Variants in NSUN3 observed in about 807,000 individuals in gnomAD.
The protein encoded by NSUN3 is NOP2/Sun RNA methyltransferase 3, also known as tRNA (cytosine(34)-C(5))-methyltransferase, mitochondrial.
In NSUN3, 24 loss-of-function variants were observed where a neutral mutation model predicts 36.8. The ratio of observed to expected loss-of-function variants is 0.65; its 90% CI spans 0.47 to 0.92. The LOEUF is 0.92. NSUN3 is among the 40% of genes least tolerant of loss of function. The probability of loss-of-function intolerance (pLI) is 0.00; values close to 1 mark genes in which losing one functional copy is unlikely to be tolerated. For synonymous variants in NSUN3, 146 were observed against 145.2 expected, an observed-to-expected ratio of 1.01 and a Z score of -0.04; for missense variants, 381 against 392.8, an observed-to-expected ratio of 0.97 and a Z score of 0.25.
At chr3:94,081,577 C>T (rs185676874) in intron 2 of NSUN3, 26 of 152,290 alleles carry the variant, frequency 1.7e-4, no homozygotes, top group African/African-American at 5.8e-4. Context: ...TTGGCTTTGT[C>T]CTGAAACTTC....
chr3:94,121,621 A>G (rs528132904), intron 5 of NSUN3, among the ~76,000 whole-genome samples: 1 of 152,286 alleles, frequency 6.6e-6, no homozygotes, highest in African/African-American at 2.4e-5. Context: ...TTTAGAGGGC[A>G]GTGAATAGTG....
At chr3:94,103,265 G>A (rs2077373147) in intron 5 of NSUN3, among the ~76,000 whole-genome samples, 1 of 152,158 alleles carries the variant, frequency 6.6e-6, no homozygotes, top group African/African-American at 2.4e-5. Context: ...TGTTCTCAAG[G>A]TCCTCAGGCC....
Position 94,080,859 on chromosome 3 carries a change from C to T in NSUN3, c.123-3248C>T, listed in dbSNP as rs147734302. On this transcript the variant is annotated intron_variant, in intron 2 of 5. Coordinates refer to ENST00000314622, the MANE Select transcript of NSUN3 (RefSeq NM_022072.5). ...TTGCTGGGCTCCATGGGGGTGGGAC[C>T]TGCTGAGCAAGACCACTTGGCTTCC... Among the ~76,000 whole-genome samples, 12 of 152,274 alleles carry T rather than the reference C, an allele frequency of 7.9e-5. No individual in the cohort carries two copies. In the East Asian group the frequency reaches 2.3e-3, roughly 29 times the overall value.
rs901557181 is a variant in NSUN3, at chr3:94,130,055, G to C, written c.*3565G>C. Among the ~76,000 whole-genome samples the C allele has an allele frequency of 1.3e-5, 2 of 152,022 alleles. No homozygotes were observed. Among genetic ancestry groups the C allele is most frequent in the Non-Finnish European group, 2.9e-5 (2 of 67,978 alleles). ...AGGCGTGAGCCACCACACCCACTGT[G>C]TATGTTGTCTTTATTGATGCTTAAA... On this transcript the variant is annotated 3_prime_UTR_variant, in exon 6 of 6. Coordinates refer to ENST00000314622, the MANE Select transcript of NSUN3 (RefSeq NM_022072.5).
intron 5 of NSUN3, among the ~76,000 whole-genome samples, chr3:94,107,972 T>C (rs1321654500): frequency 1.4e-4 from 15 of 106,066 alleles, no homozygotes; most frequent in South Asian, 6.7e-4. Flanking sequence ...CTTTTTTTTT[T>C]CCTTTTTTTT....
intron 2 of NSUN3, among the ~76,000 whole-genome samples, chr3:94,079,183 A>G (rs1370932011): frequency 6.6e-6 from 1 of 152,202 alleles, no homozygotes; most frequent in Non-Finnish European, 1.5e-5. Context: ...TCCTTCGCTT[A>G]TGAAGCTTAC....
chr3:94,078,123 G>A (rs1021177288), intron 2 of NSUN3, among the ~76,000 whole-genome samples: 1 of 152,326 alleles, frequency 6.6e-6, no homozygotes. Flanking sequence ...GGGTCCCAGA[G>A]ATTCTGGTAT....
At chr3:94,088,052 T>A (rs1424262405) in intron 3 of NSUN3, among the ~76,000 whole-genome samples, 1 of 152,178 alleles carries the variant, frequency 6.6e-6, no homozygotes, top group Non-Finnish European at 1.5e-5. Context: ...TCCTTCCTGC[T>A]TCTTCATCTC....
At chr3:94,106,911 A>G (rs1057312590) in intron 5 of NSUN3, among the ~76,000 whole-genome samples, 9 of 152,240 alleles carry the variant, frequency 5.9e-5, no homozygotes, top group Non-Finnish European at 1.3e-4. Flanking sequence ...TTCAGGGAAG[A>G]AAAGAAATGG....
At chr3:94,116,642 C>T (rs1435773351) in intron 5 of NSUN3, among the ~76,000 whole-genome samples, 1 of 152,114 alleles carries the variant, frequency 6.6e-6, no homozygotes, top group Non-Finnish European at 1.5e-5. Context: ...ATCATACTAA[C>T]TAGTTTTATC....
intron 3 of NSUN3, among the ~76,000 whole-genome samples, chr3:94,093,279 G>C (rs1194306001): frequency 6.6e-6 from 1 of 151,616 alleles, no homozygotes; most frequent in African/African-American, 2.4e-5. Context: ...TCCCTGTGGA[G>C]ACACTGAAAG....
intron 5 of NSUN3, among the ~76,000 whole-genome samples, chr3:94,112,923 G>T (rs1188351014): frequency 6.6e-6 from 1 of 152,014 alleles, no homozygotes; most frequent in African/African-American, 2.4e-5. Context: ...GGAGTGCAGT[G>T]GCACAATCTC....
intron 5 of NSUN3, among the ~76,000 whole-genome samples, chr3:94,110,499 C>T (rs2077411723): frequency 6.6e-6 from 1 of 152,024 alleles, no homozygotes; most frequent in Non-Finnish European, 1.5e-5. Context: ...GAGCTGTGTT[C>T]TTCCATCTCA....
rs575651745 is a variant in NSUN3, at chr3:94,077,076, A to T, written c.123-7031A>T. On this transcript the variant is annotated intron_variant, in intron 2 of 5. Transcript: ENST00000314622. ...ACTCCAGAGCCTGCGTCATCACCAA[A>T]TCATAAAGAAAAGGGGTGTTCTTTT... 3.8e-6 allele frequency: 3 copies of T among 788,436 alleles called. No individual in the cohort carries two copies. In the East Asian group the frequency reaches 7.3e-5, roughly 19 times the overall value. The allele number at this position is 788,436 out of a possible 1,614,324, so 48.8% of individuals were successfully genotyped here.
intron 5 of NSUN3, among the ~76,000 whole-genome samples, chr3:94,125,698 A>G (rs1335645243): frequency 2.0e-5 from 3 of 152,172 alleles, no homozygotes; most frequent in Non-Finnish European, 4.4e-5. Flanking sequence ...AACTTACTCT[A>G]TCTTTTCCAT....
intron 5 of NSUN3, among the ~76,000 whole-genome samples, chr3:94,119,478 A>G (rs566486061): frequency 4.3e-4 from 66 of 152,260 alleles, no homozygotes; most frequent in Admixed American, 1.4e-3. Flanking sequence ...AAACTGTTCC[A>G]CCTCAGATCA....
rs546091502 is a variant in NSUN3, at chr3:94,077,185, C to T, written c.123-6922C>T. ...TTCCTTGTCAGTCATGGAGGCCAGGCGAGCCAGGGGAATACTGGAGTCGGG... is the reference window on the plus strand; with the variant it reads ...TTCCTTGTCAGTCATGGAGGCCAGGTGAGCCAGGGGAATACTGGAGTCGGG... On this transcript the variant is annotated intron_variant, in intron 2 of 5. Transcript: ENST00000314622. 8.9e-4 allele frequency: 620 copies of T among 696,096 alleles called. 9 individuals carry two copies. The highest frequency in any genetic ancestry group is 7.5e-3 in the South Asian group (490 of 65,042). 43.1% of individuals were successfully genotyped at this position (696,096 alleles called of 1,614,324 possible).
intron 5 of NSUN3, among the ~76,000 whole-genome samples, chr3:94,111,880 T>G (rs1383147751): frequency 6.6e-6 from 1 of 151,426 alleles, no homozygotes; most frequent in Non-Finnish European, 1.5e-5. Context: ...AAATACTAGA[T>G]GATAGGAATT....
intron 5 of NSUN3, among the ~76,000 whole-genome samples, chr3:94,099,057 C>T (rs552524215): frequency 3.3e-5 from 5 of 152,104 alleles, no homozygotes; most frequent in Non-Finnish European, 5.9e-5. Context: ...GTATATTACA[C>T]GGGTTGAGTA....
Sources: gnomAD v4.1 joint callset for allele counts (sites outside exome capture counted in the v4.1 genomes callset) on GRCh38, gnomAD v4.1.1 for gene constraint, MANE v1.5 for transcripts, NCBI Gene and HGNC (gene_info 2026-07-23, HGNC 2026-07-21) for gene names.